DGKH: variants seen among roughly 807,000 people sequenced by gnomAD.
The protein encoded by DGKH is diacylglycerol kinase eta, also known as DAG kinase eta.
A neutral mutation model predicts 159.3 loss-of-function variants in DGKH; 90 were observed. The ratio of observed to expected loss-of-function variants is 0.57; its 90% CI spans 0.48 to 0.67. DGKH has a LOEUF of 0.67. Ranked by LOEUF, DGKH falls within the 30% of genes least tolerant of loss-of-function variation. The pLI, the probability that DGKH is intolerant of heterozygous loss-of-function variation, is 0.00. For synonymous variants in DGKH, 536 were observed against 553.8 expected (o/e 0.97, Z 0.45); for missense variants, 1,181 against 1,506.1 (o/e 0.78, Z 3.57).
chr13:42,095,593 C>G (rs548680918), intron 1 of DGKH, among the ~76,000 whole-genome samples: 1 of 152,056 alleles, frequency 6.6e-6, no homozygotes, highest in East Asian at 1.9e-4. Context: ...TTGTTCCTCC[C>G]AATTTTCTTC....
In DGKH at chr13:42,208,970, A is replaced by G. The variant is rs1463212719; in HGVS notation, c.2613A>G (p.Ala871=). ...GGTKEDDIFA[A]PSFDDKILEV... The stretch of plus-strand genomic sequence containing the variant: ...AGTTTTTCTTTCAGATATTTGCTGC[A>G]CCATCCTTTGATGACAAGATCCTGG... Residue 871 remains alanine (A), a synonymous_variant, in exon 22 of 30, where the codon GCA becomes GCG. Transcript: ENST00000337343. 3 of 1,611,376 alleles carry G rather than the reference A, an allele frequency of 1.9e-6. No individual in the cohort carries two copies. Among genetic ancestry groups the G allele is most frequent in the Non-Finnish European group, 2.5e-6 (3 of 1,178,806 alleles).
At chr13:42,224,425 C>T (rs1166798623) in intron 29 of DGKH, among the ~76,000 whole-genome samples, 1 of 152,216 alleles carries the variant, frequency 6.6e-6, no homozygotes, top group Non-Finnish European at 1.5e-5. Flanking sequence ...TGTCCACAAT[C>T]CTGCTCCATG....
At chr13:42,177,325 G>A (rs1956630848) in intron 12 of DGKH, among the ~76,000 whole-genome samples, 1 of 152,126 alleles carries the variant, frequency 6.6e-6, no homozygotes, top group South Asian at 2.1e-4. Context: ...TCAATGTTAT[G>A]TTTATCAGAT....
intron 3 of DGKH, among the ~76,000 whole-genome samples, chr13:42,145,726 T>A (rs1029462242): frequency 6.6e-6 from 1 of 152,058 alleles, no homozygotes; most frequent in Non-Finnish European, 1.5e-5. Flanking sequence ...GTTGGTAGGG[T>A]TTCTTGTTGG....
At chr13:42,166,121 T>A (rs971214206) in intron 8 of DGKH, among the ~76,000 whole-genome samples, 11 of 152,150 alleles carry the variant, frequency 7.2e-5, no homozygotes, top group Non-Finnish European at 1.3e-4. Flanking sequence ...TCAAACTTTT[T>A]AATTTATGCC....
intron 23 of DGKH, 23 bp downstream of exon 23, chr13:42,209,488 T>C (rs908865707): frequency 9.0e-6 from 14 of 1,549,408 alleles, no homozygotes; most frequent in Non-Finnish European, 1.2e-5. Flanking sequence ...AACATTCTTC[T>C]AGAATATTGT....
At chr13:42,074,784 C>T (rs1373708437) in intron 1 of DGKH, among the ~76,000 whole-genome samples, 1 of 152,122 alleles carries the variant, frequency 6.6e-6, no homozygotes, top group Non-Finnish European at 1.5e-5. Context: ...TAGCTGTTCA[C>T]TATCTAGTGT....
At chr13:42,249,291 T>A (rs1335001700) in intron 29 of DGKH, among the ~76,000 whole-genome samples, 1 of 152,124 alleles carries the variant, frequency 6.6e-6, no homozygotes, top group Non-Finnish European at 1.5e-5. Context: ...GGAGGACCGA[T>A]TGAGCCCGGG....
At chr13:42,198,635 C>CTT (rs774921348) in intron 18 of DGKH, 40 bp downstream of exon 18, 3 of 1,423,142 alleles carry the variant, frequency 2.1e-6, no homozygotes, top group South Asian at 1.3e-5. Flanking sequence ...TTGGGTTTTT[C>CTT]TTGTTTTTTT....
intron 3 of DGKH, among the ~76,000 whole-genome samples, chr13:42,141,750 G>GT (rs1214269080): frequency 6.6e-6 from 1 of 152,122 alleles, no homozygotes; most frequent in Non-Finnish European, 1.5e-5. Context: ...TGGGGTGTTT[G>GT]TTTTTTTCTT....
chr13:42,073,615 G>A lies in DGKH; in HGVS notation c.192+24650G>A, dbSNP rs527922168. On this transcript the variant is annotated intron_variant, in intron 1 of 29. Coordinates refer to ENST00000337343, the MANE Select transcript of DGKH (RefSeq NM_178009.5). ...TCTGAGCACATGTAAAGTAGGCAAA[G>A]CTAAGCCGTGATATTTGGCAGGTTA... Among the ~76,000 whole-genome samples the A allele has an allele frequency of 2.0e-5, 3 of 152,290 alleles. No homozygotes were observed. In the East Asian group the frequency reaches 5.8e-4, roughly 29 times the overall value.
intron 13 of DGKH, among the ~76,000 whole-genome samples, chr13:42,181,276 CAAAAAAAAAA>C (rs34220072): frequency 0.15 from 12,643 of 81,624 alleles, 1,635 homozygotes; most frequent in African/African-American, 0.41. Context: ...GACTCTGTCT[CAAAAAAAAAA>C]AAAAAAAAAA....
At chr13:42,074,602 C>A (rs902966686) in intron 1 of DGKH, among the ~76,000 whole-genome samples, 4 of 152,036 alleles carry the variant, frequency 2.6e-5, no homozygotes, top group Admixed American at 2.0e-4. Context: ...ATTTCCTAAC[C>A]CAAATGATGT....
chr13:42,221,119 A>G, intron 28 of DGKH, 145 bp from the exon 29 acceptor site: 5 of 1,064,330 alleles, frequency 4.7e-6, no homozygotes, highest in Non-Finnish European at 6.7e-6. Flanking sequence ...AAGTGGAACT[A>G]TGGTTTTGTT....
intron 1 of DGKH, among the ~76,000 whole-genome samples, chr13:42,053,436 C>T (rs541107424): frequency 6.3e-4 from 92 of 145,220 alleles, no homozygotes; most frequent in South Asian, 4.3e-3. Context: ...CTATATGTAG[C>T]TATATATAAC....
chr13:42,174,925 AG>A (rs1288837504), intron 12 of DGKH, among the ~76,000 whole-genome samples: 6 of 152,170 alleles, frequency 3.9e-5, no homozygotes, highest in Admixed American at 3.3e-4. Context: ...CTGTTGATAT[AG>A]TTAAAGAAAG....
rs373727587 is a variant in DGKH, at chr13:42,117,930, A to G, written c.193-9533A>G. 2.6e-5 allele frequency among the ~76,000 whole-genome samples: 4 copies of G among 152,112 alleles called. No homozygotes were observed. In the East Asian group the frequency reaches 7.7e-4, roughly 29 times the overall value. On this transcript the variant is annotated intron_variant, in intron 1 of 29. Coordinates refer to ENST00000337343, the MANE Select transcript of DGKH (RefSeq NM_178009.5). ...GCTGAACCCTGGAAACCATAAAGGCATTTCCGGCCAGGCGTGGTGGCTCAC... is the reference window on the plus strand; with the variant it reads ...GCTGAACCCTGGAAACCATAAAGGCGTTTCCGGCCAGGCGTGGTGGCTCAC...
At chr13:42,070,676 G>A in intron 1 of DGKH, 1 of 1,612,284 alleles carries the variant, frequency 6.2e-7, no homozygotes, top group South Asian at 1.1e-5. Flanking sequence ...ATATACTTGA[G>A]CCCCCGTAGC....
chr13:42,167,552 G>GCTAAGT (rs1436010749), intron 9 of DGKH, among the ~76,000 whole-genome samples: 1 of 151,808 alleles, frequency 6.6e-6, no homozygotes, highest in Non-Finnish European at 1.5e-5. Context: ...CCTTTATCTT[G>GCTAAGT]CTAAGTCTCA....
Sources: allele counts gnomAD v4.1 joint callset (sites outside exome capture counted in the v4.1 genomes callset), GRCh38; gene constraint gnomAD v4.1.1; transcripts MANE v1.5; gene names NCBI Gene and HGNC (gene_info 2026-07-23, HGNC 2026-07-21).